Variants in SEPTIN10 observed in about 807,000 individuals in gnomAD.
SEPTIN10 encodes septin 10.
SEPTIN10 carries 66 observed loss-of-function variants against 54.8 expected under a neutral mutation model. That is an observed-to-expected ratio of 1.21 (90% confidence interval 0.99 to 1.48). The LOEUF (loss-of-function observed/expected upper bound fraction) is 1.48. Ranked by LOEUF, SEPTIN10 falls within the 40% of genes most tolerant of loss-of-function variation. SEPTIN10 has a pLI of 0.00. For synonymous variants in SEPTIN10, 161 were observed against 181.0 expected, an observed-to-expected ratio of 0.89 and a Z score of 0.89; for missense variants, 620 against 545.6, an observed-to-expected ratio of 1.14 and a Z score of -1.36.
intron 4 of SEPTIN10, among the ~76,000 whole-genome samples, chr2:109,575,850 T>G (rs779292532): frequency 6.6e-6 from 1 of 152,216 alleles, no homozygotes; most frequent in African/African-American, 2.4e-5. Context: ...GACCTTTTAG[T>G]CCTTGAGGAT....
intron 1 of SEPTIN10, among the ~76,000 whole-genome samples, chr2:109,603,712 TAGTC>T (rs754710028): frequency 3.3e-5 from 5 of 152,096 alleles, no homozygotes; most frequent in African/African-American, 4.8e-5. Flanking sequence ...GAAATCTACA[TAGTC>T]AGAGAAAGCA....
intron 8 of SEPTIN10, among the ~76,000 whole-genome samples, chr2:109,560,352 C>T (rs1553424587): frequency 6.6e-6 from 1 of 152,170 alleles, no homozygotes; most frequent in Non-Finnish European, 1.5e-5. Flanking sequence ...CTCCCTCTCT[C>T]TTGATCCCCT....
At chr2:109,565,945 A>T in intron 6 of SEPTIN10, 86 bp from the exon 7 acceptor site, 1 of 1,197,082 alleles carries the variant, frequency 8.4e-7, no homozygotes, top group Non-Finnish European at 1.2e-6. Context: ...AGAAGAGAAT[A>T]ATTAAATAAC....
At chr2:109,570,667 G>A (rs1688153348) in intron 5 of SEPTIN10, among the ~76,000 whole-genome samples, 1 of 151,856 alleles carries the variant, frequency 6.6e-6, no homozygotes, top group Non-Finnish European at 1.5e-5. Flanking sequence ...GATTACAGGT[G>A]CCTGCCACCA....
intron 6 of SEPTIN10, 42 bp downstream of exon 6, chr2:109,567,773 T>C: frequency 6.6e-7 from 1 of 1,522,496 alleles, no homozygotes; most frequent in South Asian, 1.3e-5. Flanking sequence ...ACAGTTTTAT[T>C]TTCACATGGA....
At chr2:109,607,885 T>G (rs956355860) in intron 1 of SEPTIN10, among the ~76,000 whole-genome samples, 1 of 152,184 alleles carries the variant, frequency 6.6e-6, no homozygotes, top group Non-Finnish European at 1.5e-5. Context: ...GTATCTATAC[T>G]TTTATAAGAC....
chr2:109,563,940 G>A (rs1686283851), intron 8 of SEPTIN10, among the ~76,000 whole-genome samples: 1 of 152,140 alleles, frequency 6.6e-6, no homozygotes, highest in Non-Finnish European at 1.5e-5. Flanking sequence ...GGGCAACATA[G>A]TAAGACCCTG....
At chr2:109,552,190 C>T (rs1390254083) in intron 9 of SEPTIN10, among the ~76,000 whole-genome samples, 1 of 152,204 alleles carries the variant, frequency 6.6e-6, no homozygotes. Context: ...CATCCTGAAA[C>T]CATCTCCCCT....
chr2:109,547,789 A>G (rs1292445829), intron 9 of SEPTIN10, among the ~76,000 whole-genome samples: 2 of 152,220 alleles, frequency 1.3e-5, no homozygotes, highest in African/African-American at 4.8e-5. Context: ...TTTTACCATG[A>G]TGGCTGGCAC....
chr2:109,584,390 G>A (rs904260486), intron 4 of SEPTIN10, among the ~76,000 whole-genome samples: 5 of 144,634 alleles, frequency 3.5e-5, no homozygotes, highest in African/African-American at 1.0e-4. Flanking sequence ...CAGGATAACC[G>A]CTTGAACTGG....
intron 8 of SEPTIN10, among the ~76,000 whole-genome samples, chr2:109,556,168 T>C (rs894604118): frequency 1.3e-5 from 2 of 152,202 alleles, no homozygotes; most frequent in Non-Finnish European, 2.9e-5. Context: ...ACTCTACCAG[T>C]AGCTGCCCTT....
intron 4 of SEPTIN10, among the ~76,000 whole-genome samples, chr2:109,584,638 TAG>T (rs1332760461): frequency 6.6e-6 from 1 of 152,028 alleles, no homozygotes; most frequent in Non-Finnish European, 1.5e-5. Context: ...TTAAAACAAA[TAG>T]AGACACAAGG....
intron 1 of SEPTIN10, among the ~76,000 whole-genome samples, chr2:109,596,730 CTTT>C (rs1185562951): frequency 6.6e-6 from 1 of 151,914 alleles, no homozygotes; most frequent in Non-Finnish European, 1.5e-5. Context: ...CAAATATCTG[CTTT>C]TGTTTATTCA....
chr2:109,559,911 CTT>C (rs1185486244), intron 8 of SEPTIN10, among the ~76,000 whole-genome samples: 11 of 117,534 alleles, frequency 9.4e-5, no homozygotes, highest in African/African-American at 1.9e-4. Flanking sequence ...CAACCAATGC[CTT>C]TTTTTTTTTT....
At chr2:109,580,533 G>A (rs1690867512) in intron 4 of SEPTIN10, among the ~76,000 whole-genome samples, 1 of 152,026 alleles carries the variant, frequency 6.6e-6, no homozygotes. Flanking sequence ...TTCTCTTTGG[G>A]ATTAGGATGA....
intron 1 of SEPTIN10, among the ~76,000 whole-genome samples, chr2:109,610,475 G>A (rs1257273813): frequency 6.6e-6 from 1 of 152,202 alleles, no homozygotes; most frequent in Non-Finnish European, 1.5e-5. Context: ...AACACTTCGG[G>A]AGACTGAGAC....
intron 2 of SEPTIN10, among the ~76,000 whole-genome samples, chr2:109,592,355 C>G (rs1694258950): frequency 6.6e-6 from 1 of 151,796 alleles, no homozygotes; most frequent in South Asian, 2.1e-4. Context: ...ATCCCAGCTA[C>G]TTGGAAGGCT....
chr2:109,572,922 C>G (rs1688753171), intron 5 of SEPTIN10, among the ~76,000 whole-genome samples: 1 of 152,054 alleles, frequency 6.6e-6, no homozygotes, highest in Admixed American at 6.5e-5. Context: ...GCCCAACAAC[C>G]TTCTTATGTA....
At chr2:109,566,601 A>G (rs1320722312) in intron 6 of SEPTIN10, among the ~76,000 whole-genome samples, 3 of 152,180 alleles carry the variant, frequency 2.0e-5, no homozygotes, top group Non-Finnish European at 4.4e-5. Context: ...GTACTAATAT[A>G]AAGTAGTACA....
Sources: gnomAD v4.1 joint callset for allele counts (sites outside exome capture counted in the v4.1 genomes callset) on GRCh38, gnomAD v4.1.1 for gene constraint, MANE v1.5 for transcripts, NCBI Gene and HGNC (gene_info 2026-07-23, HGNC 2026-07-21) for gene names.